CDH13: variants seen among roughly 807,000 people sequenced by gnomAD.
CDH13 encodes the protein cadherin-13.
CDH13 carries 24 observed loss-of-function variants against 63.8 expected under a neutral mutation model. The ratio of observed to expected loss-of-function variants is 0.38; its 90% confidence interval spans 0.27 to 0.53. The LOEUF (loss-of-function observed/expected upper bound fraction) is 0.53. CDH13 is among the 20% of genes least tolerant of loss of function. CDH13 has a pLI of 0.85. For synonymous variants in CDH13, 503 were observed against 355.3 expected (o/e 1.42, Z -4.67); for missense variants, 1,049 against 903.1 (o/e 1.16, Z -2.07).
At chr16:82,807,421 A>G (rs891994367) in intron 1 of CDH13, among the ~76,000 whole-genome samples, 2 of 152,164 alleles carry the variant, frequency 1.3e-5, no homozygotes, top group South Asian at 2.1e-4. Context: ...CTGGTAGCTG[A>G]GAATAGCAGG....
chr16:83,647,896 C>A (rs1317337119), intron 8 of CDH13, among the ~76,000 whole-genome samples: 2 of 152,112 alleles, frequency 1.3e-5, no homozygotes, highest in Non-Finnish European at 2.9e-5. Context: ...CTGTTAAAAT[C>A]CCCATGCCAT....
At chr16:83,348,265 C>G (rs1334896410) in intron 6 of CDH13, among the ~76,000 whole-genome samples, 2 of 152,174 alleles carry the variant, frequency 1.3e-5, no homozygotes, top group East Asian at 1.9e-4. Flanking sequence ...ACCACAGACT[C>G]TTTGCAGGCC....
intron 3 of CDH13, among the ~76,000 whole-genome samples, chr16:83,124,525 CA>C (rs1488679372): frequency 4.8e-5 from 7 of 145,106 alleles, no homozygotes; most frequent in African/African-American, 1.1e-4. Context: ...TTGAATTGTC[CA>C]TTTTTTTTTT....
intron 5 of CDH13, among the ~76,000 whole-genome samples, chr16:83,303,025 C>T (rs1355591037): frequency 6.6e-6 from 1 of 152,194 alleles, no homozygotes; most frequent in Non-Finnish European, 1.5e-5. Flanking sequence ...CCAACAGTAG[C>T]TCTGTTTCAG....
chr16:82,922,622 T>C (rs2042190456), intron 2 of CDH13, among the ~76,000 whole-genome samples: 1 of 152,192 alleles, frequency 6.6e-6, no homozygotes, highest in Admixed American at 6.5e-5. Context: ...TTGGTACTTA[T>C]TTCCTGCTCT....
At chr16:83,406,469 CTCTT>C (rs200880189) in intron 6 of CDH13, among the ~76,000 whole-genome samples, 4,135 of 149,308 alleles carry the variant, frequency 0.028, 71 homozygotes, top group Non-Finnish European at 0.04. Context: ...TTCTCTCTCT[CTCTT>C]TCTTTCTTTC....
At chr16:83,750,503 G>A (rs1434276769) in intron 11 of CDH13, among the ~76,000 whole-genome samples, 1 of 152,122 alleles carries the variant, frequency 6.6e-6, no homozygotes, top group Non-Finnish European at 1.5e-5. Context: ...TGGTTCCATA[G>A]CATGTACCTT....
intron 1 of CDH13, among the ~76,000 whole-genome samples, chr16:82,675,163 T>A (rs1350024053): frequency 6.6e-6 from 1 of 152,188 alleles, no homozygotes; most frequent in African/African-American, 2.4e-5. Context: ...TTGAAAAAAA[T>A]GTGTAAAAGA....
intron 3 of CDH13, among the ~76,000 whole-genome samples, chr16:83,107,248 C>T (rs17194204): frequency 0.092 from 13,936 of 152,166 alleles, 703 homozygotes; most frequent in African/African-American, 0.13. Flanking sequence ...AATTTCCAAC[C>T]TTCTGGCCAG....
At chr16:83,451,976 GC>G (rs2151511853) in intron 6 of CDH13, among the ~76,000 whole-genome samples, 1 of 152,208 alleles carries the variant, frequency 6.6e-6, no homozygotes, top group East Asian at 1.9e-4. Context: ...TTTAATCTTT[GC>G]TTTTCCTGTG....
chr16:82,815,147 C>G (rs1321588058), intron 1 of CDH13, among the ~76,000 whole-genome samples: 1 of 152,004 alleles, frequency 6.6e-6, no homozygotes, highest in Admixed American at 6.6e-5. Context: ...CAGTAGGGTA[C>G]TTAGAAAGTA....
rs1244827135 is a variant in CDH13, at chr16:83,083,470, C to T, written c.367-41915C>T. ...GGAGGTGGAACAAAATCCTTGCCCCCATGTTATGCATATGGAAATTGAGAT... is the reference window on the plus strand; with the variant it reads ...GGAGGTGGAACAAAATCCTTGCCCCTATGTTATGCATATGGAAATTGAGAT... On this transcript the variant is annotated intron_variant, in intron 3 of 13. Transcript: ENST00000567109. Among the ~76,000 whole-genome samples, 3 of 152,166 alleles carry T rather than the reference C, an allele frequency of 2.0e-5. No homozygotes were observed. In the East Asian group the frequency reaches 5.8e-4, roughly 29 times the overall value.
intron 7 of CDH13, among the ~76,000 whole-genome samples, chr16:83,582,427 T>A (rs1905704150): frequency 6.6e-6 from 1 of 152,174 alleles, no homozygotes; most frequent in Non-Finnish European, 1.5e-5. Flanking sequence ...GTTGAGACAC[T>A]GTGCCTTTCA....
chr16:82,755,143 A>G (rs76611904), intron 1 of CDH13, among the ~76,000 whole-genome samples: 5 of 152,144 alleles, frequency 3.3e-5, no homozygotes, highest in South Asian at 4.2e-4. Context: ...TCTTTGTCCA[A>G]ATCCAGCTGG....
chr16:83,400,029 G>A (rs900815222), intron 6 of CDH13, among the ~76,000 whole-genome samples: 5 of 152,102 alleles, frequency 3.3e-5, no homozygotes, highest in Middle Eastern at 6.8e-3. Flanking sequence ...GGTTACATCT[G>A]TTTTCTTAAT....
At chr16:83,058,461 G>A (rs4238725) in intron 3 of CDH13, among the ~76,000 whole-genome samples, 128,385 of 152,242 alleles carry the variant, frequency 0.84, 54,693 homozygotes, top group East Asian at 0.97. Flanking sequence ...TTTCCCAACA[G>A]ATGCATTCTT....
rs372613101 is a variant in CDH13 at position 83,391,570 on chromosome 16, G to T, written c.781+46564G>T. On this transcript the variant is annotated intron_variant, in intron 6 of 13. Coordinates refer to ENST00000567109, the MANE Select transcript of CDH13 (RefSeq NM_001257.5). ...TAAAGGAACAACTAATTTAGAATAG[G>T]AGGTCTAGGTAAATATGCAAATGCA... Among the ~76,000 whole-genome samples, 200 of 152,252 alleles carry T rather than the reference G, an allele frequency of 1.3e-3. 2 individuals carry two copies. The highest frequency in any genetic ancestry group is 4.4e-3 in the African/African-American group (184 of 41,548).
At chr16:82,751,277 T>A (rs1274306553) in intron 1 of CDH13, among the ~76,000 whole-genome samples, 1 of 152,196 alleles carries the variant, frequency 6.6e-6, no homozygotes, top group Non-Finnish European at 1.5e-5. Context: ...TGCGAGTTAA[T>A]GCTCTGTCAT....
intron 3 of CDH13, among the ~76,000 whole-genome samples, chr16:83,057,331 T>A (rs2031053619): frequency 6.6e-6 from 1 of 152,134 alleles, no homozygotes; most frequent in Non-Finnish European, 1.5e-5. Flanking sequence ...GAAAAGGTGA[T>A]GACTGGAAGG....
Sources: gnomAD v4.1 joint callset for allele counts (sites outside exome capture counted in the v4.1 genomes callset) on GRCh38, gnomAD v4.1.1 for gene constraint, MANE v1.5 for transcripts, NCBI Gene and HGNC (gene_info 2026-07-23, HGNC 2026-07-21) for gene names.